EXOC2: variants seen among roughly 807,000 people sequenced by gnomAD.
EXOC2 encodes the protein SEC5-like 1.
A neutral mutation model predicts 131.8 loss-of-function variants in EXOC2; 70 were observed. The observed-to-expected ratio is 0.53, with a 90% confidence interval of 0.44 to 0.65. The LOEUF (loss-of-function observed/expected upper bound fraction) is 0.65, where lower values mean the gene tolerates loss of function less well. Among genes scored for constraint, EXOC2 ranks in the 30% least tolerant of loss-of-function variants. The probability of loss-of-function intolerance (pLI) is 0.00; values close to 1 mark genes in which losing one functional copy is unlikely to be tolerated. For missense variants in EXOC2, 923 were observed against 1,108.6 expected, an observed-to-expected ratio of 0.83 and a Z score of 2.38; for synonymous variants, 411 against 398.4, an observed-to-expected ratio of 1.03 and a Z score of -0.38.
intron 1 of EXOC2, among the ~76,000 whole-genome samples, chr6:644,434 C>T (rs1216808562): frequency 2.0e-5 from 3 of 152,108 alleles, no homozygotes; most frequent in Non-Finnish European, 2.9e-5. Context: ...TCCCCCCTTT[C>T]GAACAGTAAC....
At chr6:488,457 C>A (rs1763221095) in intron 27 of EXOC2, among the ~76,000 whole-genome samples, 1 of 152,146 alleles carries the variant, frequency 6.6e-6, no homozygotes, top group Non-Finnish European at 1.5e-5. Flanking sequence ...AGGTTGAGAT[C>A]ATCAGTGTGG....
chr6:662,904 C>G (rs1763483185), intron 1 of EXOC2, among the ~76,000 whole-genome samples: 1 of 151,994 alleles, frequency 6.6e-6, no homozygotes, highest in South Asian at 2.1e-4. Flanking sequence ...GGCAGGAGAA[C>G]TGCTTGAACC....
intron 19 of EXOC2, among the ~76,000 whole-genome samples, chr6:555,747 T>C (rs923393107): frequency 7.2e-5 from 11 of 152,180 alleles, no homozygotes; most frequent in African/African-American, 2.4e-4. Flanking sequence ...ATAACATAAA[T>C]GAAACATTTG....
chr6:491,001 C>T (rs1763396537), intron 26 of EXOC2, 124 bp downstream of exon 26: 1 of 1,032,230 alleles, frequency 9.7e-7, no homozygotes, highest in Admixed American at 2.0e-5. Flanking sequence ...TTGACATAAA[C>T]TTTATCACAT....
At chr6:686,745 T>C (rs1764673064) in intron 1 of EXOC2, among the ~76,000 whole-genome samples, 1 of 152,210 alleles carries the variant, frequency 6.6e-6, no homozygotes, top group South Asian at 2.1e-4. Flanking sequence ...CCATGTCTCC[T>C]CCTAGAGGAC....
intron 23 of EXOC2, among the ~76,000 whole-genome samples, chr6:503,189 TG>T (rs879424650): frequency 6.6e-6 from 1 of 152,058 alleles, no homozygotes; most frequent in Non-Finnish European, 1.5e-5. Context: ...TATTACCGAT[TG>T]GGCTGAAATT....
intron 23 of EXOC2, among the ~76,000 whole-genome samples, chr6:503,053 A>G (rs1231254220): frequency 6.6e-6 from 1 of 152,084 alleles, no homozygotes; most frequent in Admixed American, 6.5e-5. Flanking sequence ...CTCCCAGTGC[A>G]GTGCCTGTGC....
intron 6 of EXOC2, among the ~76,000 whole-genome samples, chr6:611,531 T>C (rs984841639): frequency 3.3e-5 from 5 of 152,170 alleles, no homozygotes; most frequent in Non-Finnish European, 7.3e-5. Flanking sequence ...CCCGGCTCAG[T>C]TTACAGCCCT....
intron 1 of EXOC2, among the ~76,000 whole-genome samples, chr6:671,582 T>C (rs1763873444): frequency 6.6e-6 from 1 of 152,170 alleles, no homozygotes; most frequent in Non-Finnish European, 1.5e-5. Context: ...TGCTTCTCCC[T>C]AAAGAACAAC....
At chr6:488,944 T>TCA (rs760379742) in intron 27 of EXOC2, 35 bp downstream of exon 27, 1 of 1,599,662 alleles carries the variant, frequency 6.3e-7, no homozygotes, top group East Asian at 2.2e-5. Context: ...TTGAGCACAT[T>TCA]CAACTGGCTC....
chr6:499,856 G>A (rs768385624), intron 23 of EXOC2, among the ~76,000 whole-genome samples, 156 bp from the exon 24 acceptor site: 4 of 151,894 alleles, frequency 2.6e-5, no homozygotes, highest in Non-Finnish European at 5.9e-5. Context: ...GGTGAAAGGA[G>A]TATTTCCATA....
intron 1 of EXOC2, among the ~76,000 whole-genome samples, chr6:667,679 C>G (rs138245785): frequency 1.0e-5 from 1 of 96,858 alleles, no homozygotes; most frequent in African/African-American, 3.1e-5. Flanking sequence ...ACCCCTGCCC[C>G]CCAGGTTCTG....
At chr6:511,300 C>T (rs1034770778) in intron 23 of EXOC2, among the ~76,000 whole-genome samples, 1 of 152,076 alleles carries the variant, frequency 6.6e-6, no homozygotes, top group Non-Finnish European at 1.5e-5. Flanking sequence ...CTCAATATAG[C>T]GGGGGTCCAT....
chr6:618,480 A>G lies in EXOC2; in HGVS notation c.537-645T>C, dbSNP rs937258226. 3.9e-4 allele frequency among the ~76,000 whole-genome samples: 59 copies of G among 152,286 alleles called. 1 individual carries two copies. Among genetic ancestry groups the G allele is most frequent in the African/African-American group, 1.4e-3 (57 of 41,560 alleles). ...AATCCGGCTATAAAACTTTAAACGTATTCTTGATAGACCTACACAAGAAAC... is the reference window on the plus strand; with the variant it reads ...AATCCGGCTATAAAACTTTAAACGTGTTCTTGATAGACCTACACAAGAAAC... On this transcript the variant is annotated intron_variant, in intron 5 of 27. Transcript: ENST00000230449.
chr6:522,985 AAAG>A (rs1765557890), intron 23 of EXOC2, among the ~76,000 whole-genome samples: 1 of 152,240 alleles, frequency 6.6e-6, no homozygotes, highest in Non-Finnish European at 1.5e-5. Flanking sequence ...GGCTGTGAGG[AAAG>A]AAGAAACCTG....
At chr6:626,795 G>T (rs891780853) in intron 4 of EXOC2, among the ~76,000 whole-genome samples, 1 of 151,824 alleles carries the variant, frequency 6.6e-6, no homozygotes, top group Non-Finnish European at 1.5e-5. Flanking sequence ...GTTTCACCAC[G>T]TTGGCCAGGC....
chr6:559,795 C>T (rs1373685016), intron 17 of EXOC2, among the ~76,000 whole-genome samples: 1 of 152,164 alleles, frequency 6.6e-6, no homozygotes, highest in Non-Finnish European at 1.5e-5. Flanking sequence ...GAGGCACTGA[C>T]CTGAAGAAGG....
chr6:488,149 T>G (rs1581274443), intron 27 of EXOC2, among the ~76,000 whole-genome samples: 1 of 151,936 alleles, frequency 6.6e-6, no homozygotes, highest in Admixed American at 6.5e-5. Context: ...GGACTGATGG[T>G]GGAAGGGCTG....
At chr6:680,861 T>C (rs1003768385) in intron 1 of EXOC2, among the ~76,000 whole-genome samples, 39 of 152,188 alleles carry the variant, frequency 2.6e-4, no homozygotes, top group African/African-American at 8.7e-4. Context: ...TCATATTCTT[T>C]CTTCACTCTA....
Sources: allele counts gnomAD v4.1 joint callset (sites outside exome capture counted in the v4.1 genomes callset), GRCh38; gene constraint gnomAD v4.1.1; transcripts MANE v1.5; gene names NCBI Gene and HGNC (gene_info 2026-07-23, HGNC 2026-07-21).